AGBL4: variants seen among roughly 807,000 people sequenced by gnomAD.
The protein encoded by AGBL4 is AGBL carboxypeptidase 4.
In AGBL4, 58 loss-of-function variants were observed where a neutral mutation model predicts 66.4. That is an observed-to-expected ratio of 0.87 (90% CI 0.71 to 1.09). The LOEUF (loss-of-function observed/expected upper bound fraction) is 1.09. Ranked by LOEUF, AGBL4 falls within the 50% of genes least tolerant of loss-of-function variation. The probability of loss-of-function intolerance (pLI) is 0.00; values close to 1 mark genes in which losing one functional copy is unlikely to be tolerated. For missense variants in AGBL4, 579 were observed against 631.0 expected, an observed-to-expected ratio of 0.92 and a Z score of 0.88; for synonymous variants, 234 against 222.9, an observed-to-expected ratio of 1.05 and a Z score of -0.44.
At chr1:49,359,035 C>T (rs1399450553) in intron 3 of AGBL4, among the ~76,000 whole-genome samples, 2 of 151,798 alleles carry the variant, frequency 1.3e-5, no homozygotes, top group Non-Finnish European at 2.9e-5. Flanking sequence ...TTCAGCAGGC[C>T]TGCAGTGAGC....
intron 1 of AGBL4, among the ~76,000 whole-genome samples, chr1:50,013,493 C>T (rs775143975): frequency 2.6e-5 from 4 of 152,146 alleles, no homozygotes; most frequent in Non-Finnish European, 5.9e-5. Context: ...TAAACCTAAA[C>T]TGAGATAAAA....
At chr1:49,312,313 G>T (rs1644955676) in intron 3 of AGBL4, among the ~76,000 whole-genome samples, 2 of 152,014 alleles carry the variant, frequency 1.3e-5, no homozygotes, top group African/African-American at 4.8e-5. Flanking sequence ...CAGCAACAAG[G>T]TGTCACTTTG....
intron 6 of AGBL4, among the ~76,000 whole-genome samples, chr1:48,811,037 T>C (rs890443178): frequency 6.6e-6 from 1 of 152,130 alleles, no homozygotes; most frequent in African/African-American, 2.4e-5. Context: ...CCCCCATCCC[T>C]GGTTCTCTGG....
intron 1 of AGBL4, among the ~76,000 whole-genome samples, chr1:49,938,805 C>A (rs1310887084): frequency 6.6e-6 from 1 of 152,106 alleles, no homozygotes; most frequent in East Asian, 1.9e-4. Flanking sequence ...ACGCTTCGTG[C>A]TAAAAACTCT....
intron 5 of AGBL4, among the ~76,000 whole-genome samples, chr1:48,943,116 T>A (rs1261239845): frequency 6.6e-6 from 1 of 152,182 alleles, no homozygotes; most frequent in East Asian, 1.9e-4. Flanking sequence ...TTTACCCTTG[T>A]ACAGTAAACA....
rs1224193236 is a variant in AGBL4 at position 49,936,455 on chromosome 1, G to A, written c.35-84937C>T. ...AGAACTTCCCCAAACTAGCAAGGCA[G>A]GCCAACATTCAGATTCAGGAAATAC... is the stretch of plus-strand genomic sequence containing the variant. On this transcript the variant is annotated intron_variant, in intron 1 of 13. Coordinates refer to ENST00000371839, the MANE Select transcript of AGBL4 (RefSeq NM_032785.4). Among the ~76,000 whole-genome samples the A allele has an allele frequency of 7.9e-5, 12 of 152,236 alleles. No homozygotes were observed. In the East Asian group the frequency reaches 2.3e-3, roughly 29 times the overall value.
At chr1:49,006,681 AGAACG>A (rs1661857090) in intron 5 of AGBL4, among the ~76,000 whole-genome samples, 1 of 150,834 alleles carries the variant, frequency 6.6e-6, no homozygotes. Flanking sequence ...TGGAGATCTG[AGAACG>A]GGCAGACTGC....
At chr1:49,433,575 AT>A (rs1319009473) in intron 3 of AGBL4, among the ~76,000 whole-genome samples, 3 of 152,140 alleles carry the variant, frequency 2.0e-5, no homozygotes, top group African/African-American at 7.2e-5. Flanking sequence ...ATAAATACCC[AT>A]TTTTCCACAA....
chr1:48,805,294 A>G, intron 6 of AGBL4, among the ~76,000 whole-genome samples: 1 of 152,152 alleles, frequency 6.6e-6, no homozygotes, highest in Non-Finnish European at 1.5e-5. Flanking sequence ...CATCAAAAGG[A>G]ATATTTGGGC....
chr1:48,571,165 A>G (rs1426761113), intron 11 of AGBL4, among the ~76,000 whole-genome samples: 1 of 152,226 alleles, frequency 6.6e-6, no homozygotes, highest in African/African-American at 2.4e-5. Context: ...AACAGATAAG[A>G]TATATGAAGT....
chr1:48,833,846 G>A (rs1646614955), intron 6 of AGBL4, among the ~76,000 whole-genome samples: 1 of 152,124 alleles, frequency 6.6e-6, no homozygotes, highest in Admixed American at 6.6e-5. Context: ...AAAAGGGGAA[G>A]ATTGACACCA....
At chr1:48,890,095 G>C (rs1313201041) in intron 5 of AGBL4, among the ~76,000 whole-genome samples, 1 of 151,982 alleles carries the variant, frequency 6.6e-6, no homozygotes, top group Admixed American at 6.6e-5. Flanking sequence ...GGAACACAGG[G>C]CTAGAAGCAG....
chr1:49,821,743 C>T (rs1645375565), intron 2 of AGBL4, among the ~76,000 whole-genome samples: 1 of 152,088 alleles, frequency 6.6e-6, no homozygotes. Context: ...TTGTTGTTGA[C>T]TTAGTTGGAA....
At chr1:49,160,088 T>C (rs1287765485) in intron 4 of AGBL4, among the ~76,000 whole-genome samples, 1 of 152,176 alleles carries the variant, frequency 6.6e-6, no homozygotes, top group African/African-American at 2.4e-5. Context: ...ACATTCTCCA[T>C]CCAGTTTTGT....
At chr1:49,274,169 T>G (rs1644118776) in intron 3 of AGBL4, among the ~76,000 whole-genome samples, 2 of 152,334 alleles carry the variant, frequency 1.3e-5, no homozygotes, top group South Asian at 4.1e-4. Flanking sequence ...CAGTGACCTG[T>G]GCTCCTATTT....
At chr1:48,593,948 T>C (rs976844025) in intron 9 of AGBL4, among the ~76,000 whole-genome samples, 1 of 152,184 alleles carries the variant, frequency 6.6e-6, no homozygotes, top group Non-Finnish European at 1.5e-5. Context: ...AAAAGCAATA[T>C]GTAAGATTAG....
intron 3 of AGBL4, among the ~76,000 whole-genome samples, chr1:49,283,062 G>C (rs1480054561): frequency 1.3e-5 from 2 of 152,206 alleles, no homozygotes; most frequent in Admixed American, 6.5e-5. Flanking sequence ...TCCACCTCTG[G>C]GGGCAGGGCA....
intron 2 of AGBL4, among the ~76,000 whole-genome samples, chr1:49,819,941 T>A (rs1407644640): frequency 1.3e-5 from 2 of 152,134 alleles, no homozygotes; most frequent in Non-Finnish European, 2.9e-5. Context: ...AGGTGCTCCC[T>A]GGCAATCCTC....
At chr1:49,333,174 T>TATAATA (rs200800782) in intron 3 of AGBL4, among the ~76,000 whole-genome samples, 14 of 151,280 alleles carry the variant, frequency 9.3e-5, no homozygotes, top group South Asian at 4.2e-4. Context: ...GAACTTAAAG[T>TATAATA]ATAATAATAA....
Sources: allele counts gnomAD v4.1 joint callset (sites outside exome capture counted in the v4.1 genomes callset), GRCh38; gene constraint gnomAD v4.1.1; transcripts MANE v1.5; gene names NCBI Gene and HGNC (gene_info 2026-07-23, HGNC 2026-07-21).